Variants in DUS3L observed in about 807,000 individuals in gnomAD.
DUS3L encodes the protein dihydrouridine synthase 3 like.
In DUS3L, 62 loss-of-function variants were observed where a neutral mutation model predicts 74.6. That is an observed-to-expected ratio of 0.83 (90% confidence interval 0.68 to 1.03). The LOEUF (loss-of-function observed/expected upper bound fraction) is 1.03. DUS3L is among the 50% of genes least tolerant of loss of function. The pLI is 0.00. For synonymous variants in DUS3L, 433 were observed against 395.7 expected (o/e 1.09, Z -1.12); for missense variants, 884 against 924.4 (o/e 0.96, Z 0.57).
Position 5,786,872 on chromosome 19 carries a change from A to G in DUS3L, c.1390-27T>C, listed in dbSNP as rs570492518. 8 of 1,589,058 alleles carry G rather than the reference A, an allele frequency of 5.0e-6. No homozygotes were observed. The African/African-American group carries it at 1.1e-4, about 21-fold the overall frequency. On this transcript the variant is annotated intron_variant, in intron 8 of 12. Transcript: ENST00000309061. ...TGGGGGAGAAGCCGCCACGCAGGGT[A>G]GGAGGCAGAGAGTGAGACGCAGAGA...
chr19:5,789,601 C>A lies in DUS3L; in HGVS notation c.506G>T (p.Gly169Val), dbSNP rs1203797996. Residue 169 changes from glycine (G) to valine (V), a missense_variant, in exon 3 of 13, where the codon GGC becomes GTC. Physicochemically the swap from Gly to Val is moderately radical, Grantham distance 109. Coordinates refer to ENST00000309061, the MANE Select transcript of DUS3L (RefSeq NM_020175.3). ...GCAGGTCACGCCGTAGGGGCACCGG[C>A]CGAAGGTCTCGAAGAGCACGCAGCG... ...GPRCVLFETF[G>V]RCPYGVTCRF... The A allele has an allele frequency of 2.0e-5, 32 of 1,589,496 alleles. No individual in the cohort carries two copies. Among genetic ancestry groups the A allele is most frequent in the Non-Finnish European group, 2.6e-5 (31 of 1,170,480 alleles).
In DUS3L at chr19:5,789,569, C is replaced by A; in HGVS notation, c.538G>T (p.Ala180Ser). 6.3e-7 allele frequency: 1 copy of A among 1,596,708 alleles called. No homozygotes were observed. The highest frequency in any genetic ancestry group is 8.5e-7 in the Non-Finnish European group (1 of 1,173,328). ...RCPYGVTCRF[A>S]GAHLRPEGQN... is the part of the protein sequence containing the mutation. ...CCCTCGGGCCTCAGGTGGGCCCCAG[C>A]GAAGCGGCAGGTCACGCCGTAGGGG... Residue 180 changes from alanine (A) to serine (S), a missense_variant, in exon 3 of 13, where the codon GCT becomes TCT. By Grantham distance (99) the Ala-to-Ser change is moderately conservative. Transcript: ENST00000309061.
At chr19:5,785,973 G>A (rs1453698640) in intron 10 of DUS3L, 182 bp from the exon 11 acceptor site, 9 of 678,848 alleles carry the variant, frequency 1.3e-5, no homozygotes, top group African/African-American at 3.7e-5. Context: ...TTTCTGAGAC[G>A]GAGTCTGGCT....
rs760537495 is a variant in DUS3L at position 5,787,190 on chromosome 19, AGGTGGTGG to A, written c.1279-27_1279-20del. On this transcript the variant is annotated intron_variant, in intron 7 of 12. Transcript: ENST00000309061. Reference sequence around the variant, plus strand: ...CCAGCACCTACAGGACGGTGGTGGGAGGTGGTGGGAGATGGTGGGAGGTGGTGGGAGAC... The same window carrying A: ...CCAGCACCTACAGGACGGTGGTGGGAGAGATGGTGGGAGGTGGTGGGAGAC... The A allele has an allele frequency of 7.3e-6, 11 of 1,501,698 alleles. No individual in the cohort carries two copies. Among genetic ancestry groups the A allele is most frequent in the South Asian group, 1.3e-5 (1 of 79,878 alleles). 93.0% of individuals were successfully genotyped at this position (1,501,698 alleles called of 1,614,324 possible).
chr19:5,788,729 T>TA (rs1422713903), intron 3 of DUS3L, among the ~76,000 whole-genome samples: 2 of 145,340 alleles, frequency 1.4e-5, no homozygotes, highest in African/African-American at 5.2e-5. Context: ...TTTTTTGAGA[T>TA]AGAGTCTTGC....
chr19:5,787,918 T>C, intron 5 of DUS3L, 106 bp downstream of exon 5: 2 of 1,529,812 alleles, frequency 1.3e-6, no homozygotes, highest in East Asian at 2.3e-5. Context: ...ACTCCACAGC[T>C]GAGGCCAGGG....
chr19:5,786,749 C>A lies in DUS3L; in HGVS notation c.1486G>T (p.Gly496Ter). The stretch of plus-strand genomic sequence containing the variant: ...GGAGGTGGCTTCCCGGAACACCCAC[C>A]GAACAGGGGCATGGGGCTGGCGGCC... ...VQAASPMPLF[G>*]NGDILSFEDA... The change falls in exon 9 of 13, where the codon GGA becomes TGA. Residue 496 changes from glycine to a stop codon, truncating the protein, a stop_gained and splice_region_variant. Transcript: ENST00000309061. LOFTEE classifies it high-confidence loss of function. The A allele has an allele frequency of 1.9e-6, 3 of 1,611,020 alleles. No homozygotes were observed. Among genetic ancestry groups the A allele is most frequent in the Non-Finnish European group, 2.5e-6 (3 of 1,179,246 alleles).
chr19:5,789,982 C>G, intron 2 of DUS3L, 65 bp downstream of exon 2: 2 of 1,590,444 alleles, frequency 1.3e-6, no homozygotes, highest in Non-Finnish European at 8.6e-7. Flanking sequence ...AACAATTACC[C>G]GCTGCCAGGA....
chr19:5,790,367 G>A (rs759704544), intron 1 of DUS3L, 32 bp from the exon 2 acceptor site: 2 of 1,612,288 alleles, frequency 1.2e-6, no homozygotes, highest in Non-Finnish European at 1.7e-6. Context: ...AAAACCCTCC[G>A]AACATAGTCA....
chr19:5,786,209 A>G (rs1164620567), intron 10 of DUS3L, among the ~76,000 whole-genome samples: 2 of 152,122 alleles, frequency 1.3e-5, no homozygotes, highest in Non-Finnish European at 2.9e-5. Flanking sequence ...TTGGCCTCCC[A>G]AAGTGCTGGG....
chr19:5,788,047 A>G lies in DUS3L; in HGVS notation c.1072T>C (p.Cys358Arg), dbSNP rs781659247. The stretch of plus-strand genomic sequence containing the variant: ...ACCTGGACGCCAAAGATGTCCTCAC[A>G]CTGGTGGCGTTTGAGTAGGGCCCAC... ...SEWALLKRHQCEDIFGVQLEG... is the reference protein window; with the variant it reads ...SEWALLKRHQREDIFGVQLEG... The change falls in exon 5 of 13, where the codon TGT (cysteine) becomes CGT (arginine). Residue 358 changes from cysteine (C) to arginine (R), a missense_variant. By Grantham distance (180) the Cys-to-Arg change is radical (BLOSUM62 -3). Transcript: ENST00000309061. The G allele has an allele frequency of 6.2e-7, 1 of 1,613,538 alleles. No individual in the cohort carries two copies. Among genetic ancestry groups the G allele is most frequent in the Non-Finnish European group, 8.5e-7 (1 of 1,179,990 alleles).
In DUS3L at chr19:5,790,339, C is replaced by G. The variant is rs1362736780; in HGVS notation, c.99-4G>C. The G allele has an allele frequency of 6.2e-7, 1 of 1,613,818 alleles. No homozygotes were observed. The highest frequency in any genetic ancestry group is 1.3e-5 in the African/African-American group (1 of 75,020). On this transcript the variant is annotated splice_polypyrimidine_tract_variant and splice_region_variant and intron_variant, in intron 1 of 12. Transcript: ENST00000309061. ...CTGCTCCTTGGTGGTGAGGTATCTG[C>G]CGACAGAAAGGGAAAGGAAAACCCT...
At chr19:5,786,952 C>G (rs2056849293) in intron 8 of DUS3L, 107 bp from the exon 9 acceptor site, 2 of 1,490,430 alleles carry the variant, frequency 1.3e-6, no homozygotes, top group South Asian at 2.6e-5. Context: ...CAGGCGGAGA[C>G]AGAGGGAGGT....
Position 5,788,012 on chromosome 19 carries a change from G to T in DUS3L, c.1095+12C>A. 2 of 1,611,766 alleles carry T rather than the reference G, an allele frequency of 1.2e-6. No individual in the cohort carries two copies. The highest frequency in any genetic ancestry group is 1.7e-6 in the Non-Finnish European group (2 of 1,179,716). Reference sequence around the variant, plus strand: ...GCCCCTCCACTCTCCCTCCCTCGGGGTGGGCACTGACCTGGACGCCAAAGA... The same window carrying T: ...GCCCCTCCACTCTCCCTCCCTCGGGTTGGGCACTGACCTGGACGCCAAAGA... On this transcript the variant is annotated intron_variant, in intron 5 of 12. Transcript: ENST00000309061.
intron 5 of DUS3L, 43 bp downstream of exon 5, chr19:5,787,981 C>A: frequency 6.2e-7 from 1 of 1,603,936 alleles, no homozygotes; most frequent in Non-Finnish European, 8.5e-7. Context: ...GACAGGACGG[C>A]CGAGGGCCCC....
chr19:5,788,102 G>A lies in DUS3L; in HGVS notation c.1017C>T (p.Cys339=), dbSNP rs765928335. 5.0e-6 allele frequency: 8 copies of A among 1,613,800 alleles called. No homozygotes were observed. The highest frequency in any genetic ancestry group is 6.8e-6 in the Non-Finnish European group (8 of 1,180,038). Reference sequence around the variant, plus strand: ...ACATCTGGCCCTGCAGCAGGTTGGTGCAGACGGCCATCTCTCCACATGTCA... The same window carrying A: ...ACATCTGGCCCTGCAGCAGGTTGGTACAGACGGCCATCTCTCCACATGTCA... ...ADVTCGEMAV[C]TNLLQGQMSE... is the part of the protein sequence containing the mutation. Residue 339 remains cysteine (C), a synonymous_variant, in exon 5 of 13, where the codon TGC becomes TGT. Transcript: ENST00000309061.
intron 3 of DUS3L, 114 bp downstream of exon 3, chr19:5,789,093 G>A: frequency 2.8e-6 from 4 of 1,425,942 alleles, no homozygotes; most frequent in Non-Finnish European, 3.7e-6. Flanking sequence ...GCTCCCTCAA[G>A]GCACACAGCC....
rs2056891485 is a variant in DUS3L, at chr19:5,789,727, GA to G, written c.388-9del. 2 of 1,592,852 alleles carry G rather than the reference GA, an allele frequency of 1.3e-6. No homozygotes were observed. Among genetic ancestry groups the G allele is most frequent in the South Asian group, 2.3e-5 (2 of 88,058 alleles). On this transcript the variant is annotated splice_polypyrimidine_tract_variant and intron_variant, in intron 2 of 12. Coordinates refer to ENST00000309061, the MANE Select transcript of DUS3L (RefSeq NM_020175.3). The stretch of plus-strand genomic sequence containing the variant: ...ACACTTAGCAGCCGACTCCTGCGAG[GA>G]AACAGGGAAGCAGTGAGGGAGGACA...
At chr19:5,785,562 C>A (rs760790226) in intron 11 of DUS3L, 41 bp downstream of exon 11, 5 of 1,567,926 alleles carry the variant, frequency 3.2e-6, no homozygotes, top group Admixed American at 3.6e-5. Context: ...TAACCAGCCG[C>A]GGCCCACGCG....
Sources: allele counts gnomAD v4.1 joint callset (sites outside exome capture counted in the v4.1 genomes callset), GRCh38; gene constraint gnomAD v4.1.1; transcripts MANE v1.5; gene names NCBI Gene and HGNC (gene_info 2026-07-23, HGNC 2026-07-21).